The following CADPS2 variants were observed in gnomAD, a reference collection of about 807,000 sequenced individuals.
The protein encoded by CADPS2 is calcium-dependent secretion activator 2.
CADPS2 carries 93 observed loss-of-function variants against 172.5 expected under a neutral mutation model. That is an observed-to-expected ratio of 0.54 (90% confidence interval 0.46 to 0.64). The LOEUF is 0.64. Ranked by LOEUF, CADPS2 falls within the 30% of genes least tolerant of loss-of-function variation. The probability of loss-of-function intolerance (pLI) is 0.00; values close to 1 mark genes in which losing one functional copy is unlikely to be tolerated. For missense variants in CADPS2, 1,420 were observed against 1,565.9 expected (o/e 0.91, Z 1.57); for synonymous variants, 546 against 555.2 (o/e 0.98, Z 0.23).
intron 27 of CADPS2, 134 bp from the exon 28 acceptor site, chr7:122,345,815 A>G (rs2037518104): frequency 1.8e-6 from 1 of 563,758 alleles, no homozygotes; most frequent in Non-Finnish European, 3.1e-6. Flanking sequence ...ACCAAAAGTG[A>G]GCATCTTCAA....
intron 27 of CADPS2, among the ~76,000 whole-genome samples, chr7:122,358,549 T>C (rs1310656447): frequency 1.3e-5 from 2 of 152,120 alleles, no homozygotes; most frequent in Admixed American, 6.5e-5. Context: ...ATATATATTT[T>C]ATCTTATATT....
chr7:122,695,994 G>A (rs2136141876), intron 2 of CADPS2, among the ~76,000 whole-genome samples: 1 of 152,282 alleles, frequency 6.6e-6, no homozygotes, highest in East Asian at 1.9e-4. Flanking sequence ...CAATGACCCT[G>A]GAACTCTAGG....
intron 1 of CADPS2, chr7:122,850,426 CT>C (rs1813244931): frequency 3.6e-6 from 1 of 274,788 alleles, no homozygotes; most frequent in African/African-American, 2.2e-5. Context: ...TCCCAAAGCA[CT>C]TATGGATTCT....
chr7:122,448,175 T>C (rs73216196), intron 15 of CADPS2, among the ~76,000 whole-genome samples: 4,520 of 152,304 alleles, frequency 0.03, 82 homozygotes, highest in Non-Finnish European at 0.048. Context: ...AATAAATCAA[T>C]GTTGAGAAGT....
chr7:122,868,115 G>C (rs60110967), intron 1 of CADPS2, among the ~76,000 whole-genome samples: 31,503 of 151,796 alleles, frequency 0.21, 3,489 homozygotes, highest in Middle Eastern at 0.28. Context: ...GACTCTCCCT[G>C]GAAGTAGTTT....
intron 6 of CADPS2, 90 bp downstream of exon 6, chr7:122,615,091 A>C: frequency 1.4e-6 from 1 of 700,666 alleles, no homozygotes; most frequent in East Asian, 2.9e-5. Flanking sequence ...GGGTAATACC[A>C]CACATTTATG....
chr7:122,338,927 A>ATTTC (rs2036331089), intron 28 of CADPS2: 1 of 137,796 alleles, frequency 7.3e-6, no homozygotes. Context: ...TGCTAGGCTA[A>ATTTC]TTTTTTTTTT....
intron 8 of CADPS2, among the ~76,000 whole-genome samples, chr7:122,550,302 G>A (rs879731580): frequency 1.3e-5 from 2 of 152,042 alleles, no homozygotes; most frequent in South Asian, 2.1e-4. Flanking sequence ...TAATCCATCC[G>A]TTCATTCAAC....
At chr7:122,656,350 A>T (rs1420502154) in intron 3 of CADPS2, among the ~76,000 whole-genome samples, 3 of 152,178 alleles carry the variant, frequency 2.0e-5, no homozygotes, top group African/African-American at 7.2e-5. Context: ...CCTGAGGGAA[A>T]CACTGAAAAC....
At chr7:122,578,982 A>G (rs1273683935) in intron 7 of CADPS2, among the ~76,000 whole-genome samples, 1 of 152,130 alleles carries the variant, frequency 6.6e-6, no homozygotes, top group African/African-American at 2.4e-5. Context: ...AACTGCCTCT[A>G]TGGAAGGCTT....
intron 1 of CADPS2, among the ~76,000 whole-genome samples, chr7:122,882,302 C>T (rs1462472710): frequency 1.3e-5 from 2 of 152,088 alleles, no homozygotes; most frequent in South Asian, 2.1e-4. Context: ...AGTGTGGTTA[C>T]AGTGGAGACA....
intron 6 of CADPS2, among the ~76,000 whole-genome samples, chr7:122,605,728 T>G (rs1487309644): frequency 6.6e-6 from 1 of 152,142 alleles, no homozygotes; most frequent in Non-Finnish European, 1.5e-5. Context: ...AATGCTCAAG[T>G]GATCCAAAAC....
intron 1 of CADPS2, among the ~76,000 whole-genome samples, chr7:122,746,680 C>T (rs1177642942): frequency 1.3e-5 from 2 of 151,872 alleles, no homozygotes; most frequent in Non-Finnish European, 2.9e-5. Context: ...TTAAAGTTTA[C>T]AAATTTGTGT....
intron 28 of CADPS2, chr7:122,330,954 C>G (rs1211274215): frequency 6.6e-6 from 1 of 152,124 alleles, no homozygotes; most frequent in South Asian, 2.1e-4. Context: ...CTTTAAAATA[C>G]TAAGATTTGA....
At chr7:122,799,738 C>T (rs376787881) in intron 1 of CADPS2, among the ~76,000 whole-genome samples, 24 of 152,132 alleles carry the variant, frequency 1.6e-4, no homozygotes, top group African/African-American at 5.3e-4. Context: ...AATGTTAACA[C>T]TGGCACTCAT....
chr7:122,345,918 C>CTTTTT (rs71159791), intron 27 of CADPS2, among the ~76,000 whole-genome samples: 51,655 of 138,382 alleles, frequency 0.37, 10,416 homozygotes, highest in East Asian at 0.51. Flanking sequence ...CCGTAGATAT[C>CTTTTT]TTTTTTTTTT....
intron 7 of CADPS2, among the ~76,000 whole-genome samples, chr7:122,571,958 T>G (rs1436146605): frequency 1.3e-5 from 2 of 152,148 alleles, no homozygotes; most frequent in Non-Finnish European, 2.9e-5. Flanking sequence ...ACAAAAAAAT[T>G]AATAATCACT....
At chr7:122,705,911 T>TATATAA (rs1491293247) in intron 2 of CADPS2, among the ~76,000 whole-genome samples, 14 of 1,182 alleles carry the variant, frequency 0.012, 5 homozygotes, top group African/African-American at 0.013. Flanking sequence ...ATATAATATA[T>TATATAA]TATATAATAT....
intron 1 of CADPS2, among the ~76,000 whole-genome samples, chr7:122,825,874 C>T (rs188538217): frequency 1.3e-5 from 2 of 152,268 alleles, no homozygotes; most frequent in East Asian, 3.9e-4. Flanking sequence ...CCCCTCCAGG[C>T]CAGCCAAGGT....
Sources: gnomAD v4.1 joint callset for allele counts (sites outside exome capture counted in the v4.1 genomes callset) on GRCh38, gnomAD v4.1.1 for gene constraint, MANE v1.5 for transcripts, NCBI Gene and HGNC (gene_info 2026-07-23, HGNC 2026-07-21) for gene names.